The following NUP107 variants were observed in gnomAD, a reference collection of about 807,000 sequenced individuals.
NUP107 encodes the protein nucleoporin 107.
In NUP107, 101 loss-of-function variants were observed where a neutral mutation model predicts 141.0. The observed-to-expected ratio is 0.72, with a 90% confidence interval of 0.61 to 0.84. The LOEUF (loss-of-function observed/expected upper bound fraction) is 0.84. Among genes scored for constraint, NUP107 ranks in the 40% least tolerant of loss-of-function variants. The probability of loss-of-function intolerance (pLI) is 0.00; values close to 1 mark genes in which losing one functional copy is unlikely to be tolerated. For missense variants in NUP107, 941 were observed against 1,102.7 expected (o/e 0.85, Z 2.08); for synonymous variants, 319 against 363.9 (o/e 0.88, Z 1.41).
chr12:68,687,694 T>C (rs1875564975), intron 1 of NUP107: 16 of 962,382 alleles, frequency 1.7e-5, no homozygotes, highest in Non-Finnish European at 2.0e-5. Context: ...TAAGAGTACA[T>C]TATTCGTACT....
Position 68,690,596 on chromosome 12 carries a change from A to G in NUP107, c.188-35A>G, listed in dbSNP as rs1040138783. ...TTGTTTTGATAATGAATGCTCACGC[A>G]CTTTAGGTTCTTTCTACCAACCTTT... is the stretch of plus-strand genomic sequence containing the variant. On this transcript the variant is annotated intron_variant, in intron 3 of 27. Coordinates refer to ENST00000229179, the MANE Select transcript of NUP107 (RefSeq NM_020401.4). 8 of 1,613,638 alleles carry G rather than the reference A, an allele frequency of 5.0e-6. No homozygotes were observed. The African/African-American group carries it at 9.3e-5, about 19-fold the overall frequency.
chr12:68,692,263 G>A lies in NUP107; in HGVS notation c.448+151G>A, dbSNP rs779776965. On this transcript the variant is annotated intron_variant, in intron 5 of 27. Transcript: ENST00000229179. The stretch of plus-strand genomic sequence containing the variant: ...AGAGTAGCTTAAACAACAGATTTTT[G>A]TGTGTGTGTTTTTTGAGACAAGAGT... 5.1e-6 allele frequency: 4 copies of A among 779,100 alleles called. No homozygotes were observed. In the Admixed American group the frequency reaches 1.0e-4, roughly 20 times the overall value. The allele number at this position is 779,100 out of a possible 1,614,324, so 48.3% of individuals were successfully genotyped here.
At position 68,719,654 on chromosome 12, in the gene NUP107, T is replaced by C. The variant is rs1409860495; in HGVS notation, c.1251T>C (p.Asp417=). ...TAAGTTGCTGGAGAATGGCAGAAGA[T>C]GTAAGATAAATAAAATATTCAGTGA... ...WKISCWRMAE[D]ELFNRYERAI... Residue 417 remains aspartate, a splice_region_variant and synonymous_variant, in exon 14 of 28, where the codon GAT becomes GAC. Transcript: ENST00000229179. The C allele has an allele frequency of 6.3e-7, 1 of 1,596,866 alleles. No individual in the cohort carries two copies. Among genetic ancestry groups the C allele is most frequent in the Admixed American group, 1.7e-5 (1 of 59,972 alleles).
intron 3 of NUP107, chr12:68,689,834 G>T: frequency 2.2e-6 from 1 of 458,234 alleles, no homozygotes. Flanking sequence ...TGTTGGCCCT[G>T]TTTTACCAAA....
At chr12:68,741,196 A>G (rs1425547777) in intron 26 of NUP107, among the ~76,000 whole-genome samples, 9 of 152,146 alleles carry the variant, frequency 5.9e-5, no homozygotes, top group Admixed American at 5.2e-4. Context: ...TACTGTTCAC[A>G]TCGATTTTAA....
intron 5 of NUP107, among the ~76,000 whole-genome samples, chr12:68,695,003 T>C (rs754720481): frequency 5.3e-5 from 8 of 152,186 alleles, no homozygotes; most frequent in African/African-American, 1.7e-4. Context: ...ATGTCACTAA[T>C]CATTAGGAAA....
intron 15 of NUP107, 65 bp from the exon 16 acceptor site, chr12:68,721,776 A>T (rs536701052): frequency 2.0e-5 from 29 of 1,457,976 alleles, no homozygotes; most frequent in Non-Finnish European, 2.7e-5. Context: ...CATTGGATGT[A>T]ATTGCTTTTC....
chr12:68,702,473 C>T (rs1876377864), intron 7 of NUP107, among the ~76,000 whole-genome samples: 2 of 152,022 alleles, frequency 1.3e-5, no homozygotes, highest in South Asian at 4.1e-4. Context: ...TGTTGTTCGC[C>T]AGGCTGGTCT....
intron 8 of NUP107, among the ~76,000 whole-genome samples, chr12:68,703,874 A>G (rs1011930117): frequency 1.3e-5 from 2 of 152,170 alleles, no homozygotes; most frequent in Non-Finnish European, 2.9e-5. Context: ...TCAGCCGGAC[A>G]TATTTAGGTT....
intron 10 of NUP107, among the ~76,000 whole-genome samples, chr12:68,711,203 T>C (rs975856600): frequency 6.6e-6 from 1 of 151,748 alleles, no homozygotes; most frequent in Admixed American, 6.6e-5. Context: ...TACAAAAAAT[T>C]AGCCAGGCGT....
chr12:68,717,263 C>T (rs560019752), intron 12 of NUP107, among the ~76,000 whole-genome samples: 1 of 152,278 alleles, frequency 6.6e-6, no homozygotes, highest in South Asian at 2.1e-4. Flanking sequence ...TAGAAATTCT[C>T]AAGGTCTCAC....
In NUP107 at chr12:68,727,364, T is replaced by G. The variant is rs1273524029; in HGVS notation, c.1709T>G (p.Ile570Ser). 31 of 1,514,668 alleles carry G rather than the reference T, an allele frequency of 2.0e-5. No individual in the cohort carries two copies. The highest frequency in any genetic ancestry group is 2.8e-5 in the Non-Finnish European group (31 of 1,099,190). 93.8% of individuals were successfully genotyped at this position (1,514,668 alleles called of 1,614,324 possible). A position where few individuals can be genotyped will look rare whatever the true frequency, so the allele number is the denominator to read the frequency against. ...TTTCCTATGAAGGAGGAAGTTTCTA[T>G]TGAAGTTTTAAAGACATACATACAG... ...LGLQTKEEVS[I>S]EVLKTYIQLL... Residue 570 changes from isoleucine to serine, a missense_variant, in exon 20 of 28, where the codon ATT (isoleucine) becomes AGT (serine). Ile to Ser is a moderately radical substitution (Grantham distance 142). Transcript: ENST00000229179.
In NUP107 at chr12:68,726,564, C is replaced by T. The variant is rs764034347; in HGVS notation, c.1642C>T (p.Arg548Cys). 8.7e-6 allele frequency: 14 copies of T among 1,613,878 alleles called. No individual in the cohort carries two copies. Among genetic ancestry groups the T allele is most frequent in the African/African-American group, 6.7e-5 (5 of 74,924 alleles). ...SRNNLPGHLLRFMTHLILFFR... is the reference protein window; with the variant it reads ...SRNNLPGHLLCFMTHLILFFR... Reference sequence around the variant, plus strand: ...AAACAATCTACCTGGACACCTGCTTCGCTTTATGACTCACCTTATTTTGTT... The same window carrying T: ...AAACAATCTACCTGGACACCTGCTTTGCTTTATGACTCACCTTATTTTGTT... The change falls in exon 19 of 28, where the codon CGC (arginine) becomes TGC (cysteine). Residue 548 changes from arginine to cysteine, a missense_variant. Coordinates refer to ENST00000229179, the MANE Select transcript of NUP107 (RefSeq NM_020401.4).
At chr12:68,731,061 T>C (rs561042711) in intron 20 of NUP107, 49 bp from the exon 21 acceptor site, 21 of 1,304,412 alleles carry the variant, frequency 1.6e-5, no homozygotes, top group Admixed American at 2.3e-5. Context: ...TTTTGAAGTA[T>C]ACTTTTAATT....
chr12:68,733,520 T>A lies in NUP107; in HGVS notation c.2170T>A (p.Tyr724Asn). 1 of 1,613,754 alleles carries A rather than the reference T, an allele frequency of 6.2e-7. No individual in the cohort carries two copies. The highest frequency in any genetic ancestry group is 8.5e-7 in the Non-Finnish European group (1 of 1,179,776). ...TCCTCAGGATTCTATAGCAGAAATC[T>A]ATAATCAGTGCGAGGAACAAGGAAT... Reference protein sequence around the residue: ...KIPQDSIAEIYNQCEEQGMES... With the variant: ...KIPQDSIAEINNQCEEQGMES... The change falls in exon 24 of 28, where the codon TAT becomes AAT. Residue 724 changes from tyrosine (Y) to asparagine (N), a missense_variant. Tyr to Asn is a moderately radical substitution (Grantham distance 143). Transcript: ENST00000229179.
intron 24 of NUP107, 22 bp from the exon 25 acceptor site, chr12:68,734,686 G>T (rs750634765): frequency 6.0e-6 from 9 of 1,487,778 alleles, no homozygotes; most frequent in East Asian, 2.4e-5. Flanking sequence ...TTATATTTTG[G>T]TTTTTTTATT....
intron 6 of NUP107, among the ~76,000 whole-genome samples, chr12:68,698,391 C>T (rs1463145066): frequency 6.6e-6 from 1 of 152,214 alleles, no homozygotes; most frequent in Non-Finnish European, 1.5e-5. Flanking sequence ...GGAAGACAGT[C>T]TGCAGTTTCA....
rs781424599 is a variant in NUP107, at chr12:68,732,681, C to T, written c.2043C>T (p.Asp681=). The stretch of plus-strand genomic sequence containing the variant: ...ATGTAATTGACTGGTTGGTATTTGA[C>T]CCAGCGCAGAGGGCAGAAGCACTGA... The part of the protein sequence containing the change: ...KIDVIDWLVF[D]PAQRAEALKQ... Residue 681 remains aspartate, a synonymous_variant, in exon 23 of 28, where the codon GAC becomes GAT. Coordinates refer to ENST00000229179, the MANE Select transcript of NUP107 (RefSeq NM_020401.4). The T allele has an allele frequency of 2.5e-6, 4 of 1,608,686 alleles. No individual in the cohort carries two copies. Among genetic ancestry groups the T allele is most frequent in the Non-Finnish European group, 2.6e-6 (3 of 1,176,282 alleles).
At chr12:68,731,905 A>G (rs748871038) in intron 22 of NUP107, among the ~76,000 whole-genome samples, 186 bp downstream of exon 22, 3 of 152,208 alleles carry the variant, frequency 2.0e-5, no homozygotes, top group Non-Finnish European at 2.9e-5. Flanking sequence ...TAGTATGTTA[A>G]AGGAGCTTCT....
Sources: allele counts gnomAD v4.1 joint callset (sites outside exome capture counted in the v4.1 genomes callset), GRCh38; gene constraint gnomAD v4.1.1; transcripts MANE v1.5; gene names NCBI Gene and HGNC (gene_info 2026-07-23, HGNC 2026-07-21).